Variants in TTBK2 observed in about 807,000 individuals in gnomAD.
TTBK2 encodes the protein tau tubulin kinase 2.
A neutral mutation model predicts 110.8 loss-of-function variants in TTBK2; 28 were observed. The ratio of observed to expected loss-of-function variants is 0.25; its 90% CI spans 0.19 to 0.35. The LOEUF is 0.35. Ranked by LOEUF, TTBK2 falls within the 10% of genes least tolerant of loss-of-function variation. TTBK2 has a pLI of 1.00. For missense variants in TTBK2, 1,369 were observed against 1,500.3 expected (o/e 0.91, Z 1.45); for synonymous variants, 532 against 527.3 (o/e 1.01, Z -0.12).
rs572089592 is a variant in TTBK2, at chr15:42,885,255, G to A, written c.-67-6571C>T. ...AGTCCCCTGTCCTCACCCTCACTCC[G>A]TGAAGAGATCTACCTATCACCTCAG... On this transcript the variant is annotated intron_variant, in intron 1 of 14. Transcript: ENST00000267890. Among the ~76,000 whole-genome samples the A allele has an allele frequency of 1.1e-4, 16 of 152,254 alleles. No individual in the cohort carries two copies. The South Asian group carries it at 1.2e-3, about 12-fold the overall frequency.
chr15:42,897,532 G>A (rs1895713664), intron 1 of TTBK2, among the ~76,000 whole-genome samples: 1 of 151,954 alleles, frequency 6.6e-6, no homozygotes, highest in African/African-American at 2.4e-5. Context: ...TGATCTCCAG[G>A]GCAGCCTGAC....
chr15:42,908,885 A>G (rs1484694522), intron 1 of TTBK2, among the ~76,000 whole-genome samples: 2 of 152,188 alleles, frequency 1.3e-5, no homozygotes, highest in African/African-American at 4.8e-5. Context: ...CCAGCAAGAG[A>G]AGAATGGATA....
intron 14 of TTBK2, among the ~76,000 whole-genome samples, chr15:42,751,525 C>T (rs1396416412): frequency 6.6e-6 from 1 of 152,082 alleles, no homozygotes; most frequent in African/African-American, 2.4e-5. Flanking sequence ...TCACTTGGGG[C>T]CAGGAGTTTG....
At chr15:42,808,062 A>G (rs1323399478) in intron 9 of TTBK2, among the ~76,000 whole-genome samples, 1 of 152,196 alleles carries the variant, frequency 6.6e-6, no homozygotes, top group Non-Finnish European at 1.5e-5. Context: ...ATACATAAAT[A>G]CTAAGTACAG....
At chr15:42,762,840 T>C (rs1164040894) in intron 13 of TTBK2, among the ~76,000 whole-genome samples, 1 of 152,040 alleles carries the variant, frequency 6.6e-6, no homozygotes. Flanking sequence ...GAGGCTGTTA[T>C]GTTAAATGAA....
At position 42,745,829 on chromosome 15, in the gene TTBK2, C is replaced by A; in HGVS notation, c.3701G>T (p.Gly1234Val). ...GAGTTTACTGGCTGGCTTACTCTTC[C>A]CTTGGGGGGTTTTAGTGCTGGCTGA... ...HHSASTKTPQGKSKPASKLSR is the reference protein window; with the variant it reads ...HHSASTKTPQVKSKPASKLSR The change falls in exon 15 of 15, where the codon GGG (glycine) becomes GTG (valine). Residue 1234 changes from glycine to valine, a missense_variant. This residue lies in a region of TTBK2 where 1,097 missense variants were observed against 1,114.7 expected (regional missense o/e 0.98). Transcript: ENST00000267890. 6 of 1,614,108 alleles carry A rather than the reference C, an allele frequency of 3.7e-6. No individual in the cohort carries two copies. The East Asian group carries it at 6.7e-5, about 18-fold the overall frequency.
At chr15:42,849,924 C>T (rs570184091) in intron 3 of TTBK2, among the ~76,000 whole-genome samples, 1 of 152,122 alleles carries the variant, frequency 6.6e-6, no homozygotes, top group African/African-American at 2.4e-5. Flanking sequence ...CTGGGGCTCC[C>T]CTTTTCCAGT....
chr15:42,749,882 G>A (rs993989603), intron 14 of TTBK2, among the ~76,000 whole-genome samples: 3 of 152,150 alleles, frequency 2.0e-5, no homozygotes, highest in Non-Finnish European at 4.4e-5. Flanking sequence ...TTACATCTCA[G>A]GCTGGTCCTC....
intron 13 of TTBK2, among the ~76,000 whole-genome samples, chr15:42,768,067 T>C (rs1889471643): frequency 6.6e-6 from 1 of 152,218 alleles, no homozygotes; most frequent in Non-Finnish European, 1.5e-5. Flanking sequence ...CAACAGCCCT[T>C]CGTGCTAAAA....
At chr15:42,913,611 C>T (rs1337941666) in intron 1 of TTBK2, among the ~76,000 whole-genome samples, 1 of 151,786 alleles carries the variant, frequency 6.6e-6, no homozygotes, top group Non-Finnish European at 1.5e-5. Context: ...GCACTCCAGC[C>T]TGGGCGACAG....
chr15:42,784,574 G>A (rs1595906431), intron 10 of TTBK2, among the ~76,000 whole-genome samples: 2 of 152,118 alleles, frequency 1.3e-5, no homozygotes, highest in Non-Finnish European at 2.9e-5. Context: ...CACGGCACCC[G>A]GCGTGTTAGA....
intron 3 of TTBK2, among the ~76,000 whole-genome samples, chr15:42,850,555 G>T (rs1161408655): frequency 6.6e-6 from 1 of 152,066 alleles, no homozygotes; most frequent in Admixed American, 6.6e-5. Context: ...CATCTTATCT[G>T]GAACCAGAAC....
chr15:42,759,475 T>C (rs2061993097), intron 13 of TTBK2, among the ~76,000 whole-genome samples: 2 of 152,178 alleles, frequency 1.3e-5, no homozygotes, highest in Non-Finnish European at 1.5e-5. Flanking sequence ...CCCATGTCCC[T>C]GGCCAGAGTA....
chr15:42,749,434 G>A (rs969414389), intron 14 of TTBK2, among the ~76,000 whole-genome samples: 6 of 152,182 alleles, frequency 3.9e-5, no homozygotes, highest in Non-Finnish European at 8.8e-5. Context: ...TCAGATCTTA[G>A]CACAGTTAAC....
intron 2 of TTBK2, among the ~76,000 whole-genome samples, chr15:42,876,932 T>C (rs535983118): frequency 1.3e-5 from 2 of 152,128 alleles, no homozygotes; most frequent in Non-Finnish European, 2.9e-5. Context: ...CCGAAACACA[T>C]CAAATTTGAT....
At chr15:42,801,954 A>G (rs757941439) in intron 9 of TTBK2, 9 of 1,586,428 alleles carry the variant, frequency 5.7e-6, no homozygotes, top group Non-Finnish European at 6.0e-6. Flanking sequence ...CCTGGCCCAG[A>G]GTCTCCAGCT....
intron 11 of TTBK2, among the ~76,000 whole-genome samples, chr15:42,781,692 G>A (rs1890185053): frequency 1.3e-5 from 2 of 151,944 alleles, no homozygotes; most frequent in Admixed American, 6.6e-5. Context: ...AGATTTTCCT[G>A]TTGTCTTTAT....
intron 3 of TTBK2, among the ~76,000 whole-genome samples, chr15:42,863,354 G>A (rs1894235186): frequency 6.6e-6 from 1 of 152,016 alleles, no homozygotes; most frequent in Non-Finnish European, 1.5e-5. Context: ...AAACACCTAG[G>A]AATACAGCTA....
chr15:42,827,762 T>C (rs962825800), intron 6 of TTBK2, among the ~76,000 whole-genome samples, 166 bp downstream of exon 6: 1 of 152,156 alleles, frequency 6.6e-6, no homozygotes. Context: ...AAGCCACAAA[T>C]TTCAACAATA....
Sources: allele counts gnomAD v4.1 joint callset (sites outside exome capture counted in the v4.1 genomes callset), GRCh38; gene constraint gnomAD v4.1.1; regional missense constraint gnomAD v4.1.1; transcripts MANE v1.5; gene names NCBI Gene and HGNC (gene_info 2026-07-23, HGNC 2026-07-21).